The following FAM167A variants were observed in gnomAD, a reference collection of about 807,000 sequenced individuals.
FAM167A encodes the protein protein FAM167A.
In FAM167A, 23 loss-of-function variants were observed where a neutral mutation model predicts 14.9. The ratio of observed to expected loss-of-function variants is 1.55; its 90% CI spans 1.11 to 2.19. The LOEUF (loss-of-function observed/expected upper bound fraction) is 2.19. Among genes scored for constraint, FAM167A ranks in the 30% most tolerant of loss-of-function variants. The pLI is 0.00. For missense variants in FAM167A, 401 were observed against 281.5 expected (o/e 1.42, Z -3.04); for synonymous variants, 174 against 117.7 (o/e 1.48, Z -3.10).
intron 1 of FAM167A, among the ~76,000 whole-genome samples, chr8:11,449,695 G>A (rs964064863): frequency 6.6e-6 from 1 of 152,192 alleles, no homozygotes; most frequent in Non-Finnish European, 1.5e-5. Context: ...TTGGGGGGGC[G>A]CGTCAGCCTT....
chr8:11,437,670 A>G (rs1468509309), intron 2 of FAM167A, among the ~76,000 whole-genome samples: 1 of 147,714 alleles, frequency 6.8e-6, no homozygotes, highest in South Asian at 2.1e-4. Flanking sequence ...ATTTCCATGG[A>G]GGGCTGGGAG....
At chr8:11,446,120 A>G (rs1806771046) in intron 1 of FAM167A, among the ~76,000 whole-genome samples, 1 of 152,022 alleles carries the variant, frequency 6.6e-6, no homozygotes, top group Non-Finnish European at 1.5e-5. Context: ...GAGGGAAAAG[A>G]ATTAAGATGA....
chr8:11,429,295 T>A (rs1805408064), intron 2 of FAM167A, among the ~76,000 whole-genome samples: 1 of 152,234 alleles, frequency 6.6e-6, no homozygotes, highest in Admixed American at 6.5e-5. Flanking sequence ...TAAATTAATC[T>A]TTTTAGAGAT....
chr8:11,442,818 G>C (rs796438296), intron 2 of FAM167A, among the ~76,000 whole-genome samples: 1 of 152,106 alleles, frequency 6.6e-6, no homozygotes. Context: ...GGATATAATA[G>C]AATGGTGTGT....
chr8:11,440,142 C>T (rs149503625), intron 2 of FAM167A, among the ~76,000 whole-genome samples: 205 of 152,332 alleles, frequency 1.3e-3, no homozygotes, highest in African/African-American at 4.7e-3. Context: ...AACGGCCACT[C>T]CCCTGAGCCA....
intron 1 of FAM167A, among the ~76,000 whole-genome samples, chr8:11,449,823 G>A (rs1367472436): frequency 6.6e-6 from 1 of 152,176 alleles, no homozygotes; most frequent in Non-Finnish European, 1.5e-5. Flanking sequence ...CGCCAACCAT[G>A]AGCTAACTCC....
chr8:11,446,073 G>C (rs1806767799), intron 1 of FAM167A, among the ~76,000 whole-genome samples: 1 of 151,764 alleles, frequency 6.6e-6, no homozygotes, highest in Admixed American at 6.6e-5. Context: ...TACTTGTTTG[G>C]AGTGAGGGGA....
intron 1 of FAM167A, chr8:11,445,583 G>C (rs976665753): frequency 1.0e-6 from 1 of 985,432 alleles, no homozygotes; most frequent in Non-Finnish European, 1.2e-6. Context: ...GTTTGGTAAA[G>C]ACTTCAGCTA....
At chr8:11,430,241 C>G (rs1366725451) in intron 2 of FAM167A, among the ~76,000 whole-genome samples, 1 of 152,210 alleles carries the variant, frequency 6.6e-6, no homozygotes, top group Non-Finnish European at 1.5e-5. Context: ...GGGCACAGAA[C>G]TTGTTGAAAG....
intron 2 of FAM167A, among the ~76,000 whole-genome samples, chr8:11,429,361 G>A (rs993918059): frequency 3.9e-5 from 6 of 152,218 alleles, no homozygotes; most frequent in Admixed American, 1.3e-4. Flanking sequence ...GGAGGACGGC[G>A]GTTGCCCGGG....
At chr8:11,465,138 A>C (rs1807707148) in intron 1 of FAM167A, among the ~76,000 whole-genome samples, 1 of 152,140 alleles carries the variant, frequency 6.6e-6, no homozygotes, top group African/African-American at 2.4e-5. Flanking sequence ...GCAAGCTCCT[A>C]ATAGAAGAAA....
At chr8:11,445,240 C>T (rs1025465782) in intron 1 of FAM167A, 18 of 985,172 alleles carry the variant, frequency 1.8e-5, no homozygotes, top group African/African-American at 5.2e-5. Flanking sequence ...GCCGGGGGGT[C>T]CCCAGAGCCA....
intron 1 of FAM167A, among the ~76,000 whole-genome samples, chr8:11,465,625 C>G (rs917183675): frequency 1.1e-4 from 16 of 152,234 alleles, no homozygotes; most frequent in Non-Finnish European, 1.6e-4. Context: ...AGGCAACAGG[C>G]GCCACAGCAC....
At chr8:11,439,164 C>G (rs1208080091) in intron 2 of FAM167A, among the ~76,000 whole-genome samples, 1 of 152,242 alleles carries the variant, frequency 6.6e-6, no homozygotes, top group African/African-American at 2.4e-5. Flanking sequence ...AACTTTCTGT[C>G]CCTCAGTTCT....
intron 2 of FAM167A, among the ~76,000 whole-genome samples, chr8:11,434,292 G>A (rs960949141): frequency 2.6e-5 from 4 of 152,194 alleles, no homozygotes; most frequent in African/African-American, 9.7e-5. Context: ...CTGCAGGGCG[G>A]GGACTCTGAG....
At chr8:11,451,237 T>C (rs1414370995) in intron 1 of FAM167A, among the ~76,000 whole-genome samples, 3 of 152,206 alleles carry the variant, frequency 2.0e-5, no homozygotes, top group Non-Finnish European at 2.9e-5. Flanking sequence ...GGAAAGGGTC[T>C]AACTGGAGAG....
At chr8:11,426,577 GGATGCACACCTGGGAGGCAGGTCTATGCC>G (rs1194871992) in intron 2 of FAM167A, among the ~76,000 whole-genome samples, 49 of 152,274 alleles carry the variant, frequency 3.2e-4, no homozygotes, top group African/African-American at 1.2e-3. Flanking sequence ...CCGACGTTAA[GGATGCACACCTGGGAGGCAGGTCTATGCC>G]TTTCCTCAAA....
chr8:11,440,624 A>G (rs1227347487), intron 2 of FAM167A, among the ~76,000 whole-genome samples: 2 of 152,218 alleles, frequency 1.3e-5, no homozygotes, highest in Non-Finnish European at 1.5e-5. Context: ...AGGACAGGTT[A>G]GAGTCTGCCT....
At chr8:11,456,107 TGTGTGA>T (rs1563386960) in intron 1 of FAM167A, among the ~76,000 whole-genome samples, 2 of 16,262 alleles carry the variant, frequency 1.2e-4, no homozygotes, top group East Asian at 1.8e-3. Flanking sequence ...GCTGTGTGTG[TGTGTGA>T]ATGTGGGAGG....
Sources: allele counts gnomAD v4.1 joint callset (sites outside exome capture counted in the v4.1 genomes callset), GRCh38; gene constraint gnomAD v4.1.1; transcripts MANE v1.5; gene names NCBI Gene and HGNC (gene_info 2026-07-23, HGNC 2026-07-21).